The following BMPR2 variants were observed in gnomAD, a reference collection of about 807,000 sequenced individuals.
The protein encoded by BMPR2 is bone morphogenetic protein receptor type-2.
A neutral mutation model predicts 100.8 loss-of-function variants in BMPR2; 29 were observed. The ratio of observed to expected loss-of-function variants is 0.29; its 90% CI spans 0.21 to 0.39. BMPR2 has a LOEUF of 0.39. Among genes scored for constraint, BMPR2 ranks in the 10% least tolerant of loss-of-function variants. The pLI is 1.00. For synonymous variants in BMPR2, 382 were observed against 442.3 expected (o/e 0.86, Z 1.71); for missense variants, 1,011 against 1,274.5 (o/e 0.79, Z 3.15).
Position 202,562,779 on chromosome 2 carries a change from G to C in BMPR2, c.*2833G>C, listed in dbSNP as rs77006932. The C allele has an allele frequency of 4.0e-5, 6 of 151,600 alleles. No individual in the cohort carries two copies. In the South Asian group the frequency reaches 1.0e-3, roughly 26 times the overall value. 9.4% of individuals were successfully genotyped at this position (151,600 alleles called of 1,614,324 possible). ...ACTGAAAGAACTTGATTTGAATTAC[G>C]TTTAGACAAAAATGATTTAATTGTA... On this transcript the variant is annotated 3_prime_UTR_variant, in exon 13 of 13. Transcript: ENST00000374580.
chr2:202,516,474 G>A (rs1347249916), intron 5 of BMPR2, among the ~76,000 whole-genome samples: 1 of 152,160 alleles, frequency 6.6e-6, no homozygotes, highest in Non-Finnish European at 1.5e-5. Context: ...AGGAGTTCAA[G>A]ACAAGTCATG....
At chr2:202,406,937 T>C (rs2105914253) in intron 1 of BMPR2, among the ~76,000 whole-genome samples, 1 of 152,188 alleles carries the variant, frequency 6.6e-6, no homozygotes, top group Non-Finnish European at 1.5e-5. Flanking sequence ...TTTTTTACTT[T>C]TTCTTTTTCT....
Position 202,556,444 on chromosome 2 carries a change from C to G in BMPR2, c.2779C>G (p.Pro927Ala), listed in dbSNP as rs1164819372. The G allele has an allele frequency of 6.2e-7, 1 of 1,614,080 alleles. No individual in the cohort carries two copies. Among genetic ancestry groups the G allele is most frequent in the Non-Finnish European group, 8.5e-7 (1 of 1,180,050 alleles). The part of the protein sequence containing the change: ...AQGVPSTAAD[P>A]GPSKPRRAQR... ...GGGTGTTCCAAGCACAGCAGCAGATCCTGGGCCATCAAAGCCCAGAAGAGC... is the reference window on the plus strand; with the variant it reads ...GGGTGTTCCAAGCACAGCAGCAGATGCTGGGCCATCAAAGCCCAGAAGAGC... Residue 927 changes from proline (P) to alanine (A), a missense_variant, in exon 12 of 13, where the codon CCT (proline) becomes GCT (alanine). By Grantham distance (27) the Pro-to-Ala change is conservative. This residue lies in a region of BMPR2 where 508 missense variants were observed against 552.0 expected (regional missense o/e 0.92). Coordinates refer to ENST00000374580, the MANE Select transcript of BMPR2 (RefSeq NM_001204.7).
At chr2:202,430,513 T>C (rs1399896531) in intron 1 of BMPR2, among the ~76,000 whole-genome samples, 1 of 152,208 alleles carries the variant, frequency 6.6e-6, no homozygotes, top group African/African-American at 2.4e-5. Flanking sequence ...TAATGATGTA[T>C]ATTTAAGTAA....
chr2:202,550,683 G>A (rs757100801), intron 10 of BMPR2, among the ~76,000 whole-genome samples: 2 of 152,084 alleles, frequency 1.3e-5, no homozygotes, highest in African/African-American at 2.4e-5. Flanking sequence ...CTTGCCTGTC[G>A]TCCCAGCTAC....
intron 1 of BMPR2, among the ~76,000 whole-genome samples, chr2:202,426,102 A>G (rs1410632114): frequency 6.6e-6 from 1 of 152,238 alleles, no homozygotes; most frequent in Non-Finnish European, 1.5e-5. Context: ...AAAGAAGGAT[A>G]AAAAATGTTT....
intron 1 of BMPR2, among the ~76,000 whole-genome samples, chr2:202,386,688 T>TC (rs1192164012): frequency 6.6e-6 from 1 of 151,944 alleles, no homozygotes; most frequent in East Asian, 1.9e-4. Flanking sequence ...TCTTTTCTTT[T>TC]TTTTTTTTGC....
At chr2:202,464,174 A>C (rs1215093290) in intron 1 of BMPR2, among the ~76,000 whole-genome samples, 2 of 151,616 alleles carry the variant, frequency 1.3e-5, no homozygotes, top group Admixed American at 6.6e-5. Flanking sequence ...AAAAAAAAAA[A>C]AAAAAAAGAA....
intron 1 of BMPR2, among the ~76,000 whole-genome samples, chr2:202,461,833 A>C (rs1692230488): frequency 6.6e-6 from 1 of 152,272 alleles, no homozygotes; most frequent in East Asian, 1.9e-4. Flanking sequence ...TATCTGCATA[A>C]TTTATATTTT....
chr2:202,429,273 C>G (rs10177045), intron 1 of BMPR2, among the ~76,000 whole-genome samples: 8,388 of 152,138 alleles, frequency 0.055, 754 homozygotes, highest in African/African-American at 0.19. Flanking sequence ...TCCTTGTGGC[C>G]TACAAAATGA....
chr2:202,556,430 G>C lies in BMPR2; in HGVS notation c.2765G>C (p.Ser922Thr), dbSNP rs1181442765. ...EQDVLAQGVP[S>T]TAADPGPSKP... ...GATGTTCTTGCACAGGGTGTTCCAA[G>C]CACAGCAGCAGATCCTGGGCCATCA... The change falls in exon 12 of 13, where the codon AGC (serine) becomes ACC (threonine). Residue 922 changes from serine to threonine, a missense_variant. This residue lies in a region of BMPR2 where 508 missense variants were observed against 552.0 expected (regional missense o/e 0.92). Transcript: ENST00000374580. 2 of 1,614,146 alleles carry C rather than the reference G, an allele frequency of 1.2e-6. No homozygotes were observed. Among genetic ancestry groups the C allele is most frequent in the Admixed American group, 3.3e-5 (2 of 60,028 alleles).
intron 7 of BMPR2, among the ~76,000 whole-genome samples, chr2:202,523,505 T>TA (rs982854461): frequency 1.3e-5 from 2 of 152,058 alleles, no homozygotes; most frequent in Non-Finnish European, 2.9e-5. Context: ...GGACTGGATA[T>TA]AAAAAATGTG....
chr2:202,478,258 C>T (rs1692588689), intron 3 of BMPR2, among the ~76,000 whole-genome samples: 1 of 152,136 alleles, frequency 6.6e-6, no homozygotes, highest in Admixed American at 6.6e-5. Context: ...CTGTGATACA[C>T]CTTCAGGAGA....
intron 1 of BMPR2, among the ~76,000 whole-genome samples, chr2:202,454,898 TC>T (rs1192995834): frequency 6.6e-6 from 1 of 152,174 alleles, no homozygotes; most frequent in Non-Finnish European, 1.5e-5. Context: ...AAGTCCAAGA[TC>T]AAGGTGCTAG....
intron 3 of BMPR2, among the ~76,000 whole-genome samples, chr2:202,492,353 C>T (rs567815971): frequency 3.3e-5 from 5 of 151,536 alleles, no homozygotes; most frequent in Non-Finnish European, 5.9e-5. Context: ...ACATTATACA[C>T]GAAAATGTAT....
At chr2:202,473,127 G>A (rs1196909084) in intron 3 of BMPR2, among the ~76,000 whole-genome samples, 2 of 152,110 alleles carry the variant, frequency 1.3e-5, no homozygotes, top group East Asian at 1.9e-4. Flanking sequence ...TAGAAAGTTT[G>A]GTGATGGTGA....
At chr2:202,448,476 A>T (rs548310430) in intron 1 of BMPR2, among the ~76,000 whole-genome samples, 28 of 150,834 alleles carry the variant, frequency 1.9e-4, no homozygotes, top group Middle Eastern at 3.4e-3. Context: ...AAAATAAAAA[A>T]AAAAAAGTGT....
At chr2:202,553,155 A>T (rs1456100334) in intron 11 of BMPR2, among the ~76,000 whole-genome samples, 2 of 152,176 alleles carry the variant, frequency 1.3e-5, no homozygotes, top group Non-Finnish European at 2.9e-5. Context: ...ACTTTCCTGC[A>T]ATAATAAAGG....
chr2:202,391,123 T>A (rs979990236), intron 1 of BMPR2, among the ~76,000 whole-genome samples: 6 of 150,826 alleles, frequency 4.0e-5, no homozygotes, highest in Non-Finnish European at 7.4e-5. Flanking sequence ...ATTACAGGCA[T>A]GTGCCACCAC....
Sources: allele counts gnomAD v4.1 joint callset (sites outside exome capture counted in the v4.1 genomes callset), GRCh38; gene constraint gnomAD v4.1.1; regional missense constraint gnomAD v4.1.1; transcripts MANE v1.5; gene names NCBI Gene and HGNC (gene_info 2026-07-23, HGNC 2026-07-21).